The following GALNTL6 variants were observed in gnomAD, a reference collection of about 807,000 sequenced individuals.
The protein encoded by GALNTL6 is polypeptide N-acetylgalactosaminyltransferase like 6.
Under a neutral mutation model 73.7 loss-of-function variants are expected in GALNTL6, and 46 were observed. That is an observed-to-expected ratio of 0.62 (90% CI 0.49 to 0.80). GALNTL6 has a LOEUF of 0.80. Among genes scored for constraint, GALNTL6 ranks in the 30% least tolerant of loss-of-function variants. The pLI is 0.00. For synonymous variants in GALNTL6, 259 were observed against 263.7 expected (o/e 0.98, Z 0.17); for missense variants, 604 against 755.0 (o/e 0.80, Z 2.34).
At chr4:172,209,105 GAAT>G (rs1736239416) in intron 2 of GALNTL6, among the ~76,000 whole-genome samples, 1 of 151,984 alleles carries the variant, frequency 6.6e-6, no homozygotes, top group African/African-American at 2.4e-5. Flanking sequence ...TAATTGCAAA[GAAT>G]AATATTTGCT....
At chr4:172,417,591 G>A (rs913455269) in intron 5 of GALNTL6, among the ~76,000 whole-genome samples, 1 of 152,108 alleles carries the variant, frequency 6.6e-6, no homozygotes, top group African/African-American at 2.4e-5. Context: ...AGAGGTTGCA[G>A]TGAGCCGAGA....
intron 2 of GALNTL6, among the ~76,000 whole-genome samples, chr4:172,136,726 C>T (rs7684985): frequency 0.4 from 60,420 of 151,480 alleles, 12,326 homozygotes; most frequent in Admixed American, 0.42. Flanking sequence ...TAATTATGCA[C>T]AGCTCCATAT....
intron 5 of GALNTL6, among the ~76,000 whole-genome samples, chr4:172,764,787 C>T (rs1370538414): frequency 3.3e-5 from 5 of 152,036 alleles, no homozygotes; most frequent in Non-Finnish European, 5.9e-5. Context: ...CTTATATGTA[C>T]TCCTGTACAT....
chr4:171,814,840 T>C (rs1406576591), intron 2 of GALNTL6, 122 bp downstream of exon 2: 1 of 935,900 alleles, frequency 1.1e-6, no homozygotes, highest in Non-Finnish European at 1.6e-6. Flanking sequence ...CAGAGCTGAT[T>C]ATTACAAGAC....
At chr4:172,976,720 G>A (rs1750827547) in intron 10 of GALNTL6, among the ~76,000 whole-genome samples, 2 of 152,144 alleles carry the variant, frequency 1.3e-5, no homozygotes, top group East Asian at 3.8e-4. Flanking sequence ...ATTTCAGCCT[G>A]GTCCACACAG....
chr4:172,518,490 C>A (rs187156259), intron 5 of GALNTL6, among the ~76,000 whole-genome samples: 10 of 151,798 alleles, frequency 6.6e-5, no homozygotes, highest in Non-Finnish European at 1.5e-4. Context: ...ATTTAGAGAA[C>A]GGTGAAGATG....
intron 5 of GALNTL6, among the ~76,000 whole-genome samples, chr4:172,666,438 A>T (rs956516677): frequency 2.6e-5 from 4 of 152,186 alleles, no homozygotes; most frequent in African/African-American, 9.7e-5. Context: ...TGCACAAATG[A>T]CTGAGAACAA....
intron 5 of GALNTL6, among the ~76,000 whole-genome samples, chr4:172,799,708 G>T (rs1412072902): frequency 6.6e-6 from 1 of 152,116 alleles, no homozygotes; most frequent in East Asian, 1.9e-4. Context: ...TAGTATAGTG[G>T]TTCCTCAAAA....
chr4:172,641,648 C>T (rs1340242860), intron 5 of GALNTL6, among the ~76,000 whole-genome samples: 1 of 152,098 alleles, frequency 6.6e-6, no homozygotes, highest in East Asian at 1.9e-4. Context: ...CCCTGCCCAC[C>T]CTATCCCACC....
At chr4:171,951,974 A>C (rs1738897052) in intron 2 of GALNTL6, among the ~76,000 whole-genome samples, 2 of 152,140 alleles carry the variant, frequency 1.3e-5, no homozygotes, top group South Asian at 4.1e-4. Context: ...TAAAAATGAA[A>C]GTTTGGAAAG....
At chr4:172,408,476 A>C (rs569754927) in intron 5 of GALNTL6, among the ~76,000 whole-genome samples, 2 of 152,190 alleles carry the variant, frequency 1.3e-5, no homozygotes, top group East Asian at 3.9e-4. Flanking sequence ...ACAGAAGTAG[A>C]CACATTTTAT....
At chr4:171,863,701 C>T (rs949753944) in intron 2 of GALNTL6, among the ~76,000 whole-genome samples, 5 of 151,896 alleles carry the variant, frequency 3.3e-5, no homozygotes, top group Non-Finnish European at 7.4e-5. Flanking sequence ...AGAGTGAAAA[C>T]TCCTAGTAGG....
chr4:172,130,992 A>C (rs922248572), intron 2 of GALNTL6, among the ~76,000 whole-genome samples: 1 of 152,052 alleles, frequency 6.6e-6, no homozygotes, highest in African/African-American at 2.4e-5. Context: ...AGTTGAAACA[A>C]CATTGCTTAT....
chr4:172,532,054 AGATT>A (rs1735186643), intron 5 of GALNTL6, among the ~76,000 whole-genome samples: 1 of 152,202 alleles, frequency 6.6e-6, no homozygotes, highest in Non-Finnish European at 1.5e-5. Flanking sequence ...TGACGTGGGT[AGATT>A]CCCTTGGAGC....
intron 10 of GALNTL6, among the ~76,000 whole-genome samples, chr4:172,976,812 T>C (rs540287824): frequency 1.3e-5 from 2 of 152,256 alleles, no homozygotes; most frequent in East Asian, 3.9e-4. Context: ...AAACATTCTT[T>C]TACAGCCTTC....
intron 8 of GALNTL6, among the ~76,000 whole-genome samples, chr4:172,903,645 A>C (rs1481656633): frequency 1.3e-5 from 2 of 152,206 alleles, no homozygotes; most frequent in African/African-American, 2.4e-5. Context: ...GAGCCCAGTA[A>C]TTGGAGTAAA....
rs1553986523 is a variant in GALNTL6 at position 172,767,667 on chromosome 4, C to CTTTT, written c.554-41679_554-41676dup. ...AGATACTCAAGAACTGATTTTTTTT[C>CTTTT]TTTTTTTTTTTTTTTTTTGAGACAG... On this transcript the variant is annotated intron_variant, in intron 5 of 12. Coordinates refer to ENST00000506823, the MANE Select transcript of GALNTL6 (RefSeq NM_001034845.3). 1.9e-3 allele frequency among the ~76,000 whole-genome samples: 222 copies of CTTTT among 118,114 alleles called. 6 individuals are homozygous for CTTTT. Among genetic ancestry groups the CTTTT allele is most frequent in the Non-Finnish European group, 3.0e-3 (176 of 58,442 alleles). The allele number at this position is 118,114 out of a possible 152,430, so 77.5% of individuals were successfully genotyped here.
intron 5 of GALNTL6, among the ~76,000 whole-genome samples, chr4:172,452,301 T>G (rs1377075880): frequency 1.3e-5 from 2 of 151,854 alleles, no homozygotes; most frequent in Non-Finnish European, 2.9e-5. Context: ...ACACGTATTT[T>G]CACTATTTAT....
At chr4:172,076,852 C>T (rs77205702) in intron 2 of GALNTL6, among the ~76,000 whole-genome samples, 2,745 of 152,164 alleles carry the variant, frequency 0.018, 74 homozygotes, top group African/African-American at 0.06. Context: ...ATTTGTGTCC[C>T]CACCAAAATC....
Sources: gnomAD v4.1 joint callset for allele counts (sites outside exome capture counted in the v4.1 genomes callset) on GRCh38, gnomAD v4.1.1 for gene constraint, MANE v1.5 for transcripts, NCBI Gene and HGNC (gene_info 2026-07-23, HGNC 2026-07-21) for gene names.